Variants in EPS15 observed in about 807,000 individuals in gnomAD.
EPS15 encodes epidermal growth factor receptor substrate 15.
A neutral mutation model predicts 113.8 loss-of-function variants in EPS15; 72 were observed. That is an observed-to-expected ratio of 0.63 (90% CI 0.52 to 0.77). The LOEUF (loss-of-function observed/expected upper bound fraction) is 0.77, where lower values mean the gene tolerates loss of function less well. Ranked by LOEUF, EPS15 falls within the 30% of genes least tolerant of loss-of-function variation. EPS15 has a pLI of 0.00. For synonymous variants in EPS15, 344 were observed against 363.4 expected (o/e 0.95, Z 0.61); for missense variants, 1,048 against 1,045.8 (o/e 1.00, Z -0.03).
chr1:51,426,462 C>T (rs1276431951), intron 12 of EPS15, among the ~76,000 whole-genome samples: 1 of 149,532 alleles, frequency 6.7e-6, no homozygotes, highest in East Asian at 1.9e-4. Context: ...GCTCCTGTCA[C>T]CTCCTGTCAT....
chr1:51,504,482 T>C (rs1644464149), intron 1 of EPS15, among the ~76,000 whole-genome samples: 1 of 152,022 alleles, frequency 6.6e-6, no homozygotes, highest in South Asian at 2.1e-4. Flanking sequence ...AAATAATCCA[T>C]GAAATGGGAG....
chr1:51,402,818 T>C (rs1015631884), intron 17 of EPS15, among the ~76,000 whole-genome samples: 7 of 152,034 alleles, frequency 4.6e-5, no homozygotes, highest in East Asian at 3.9e-4. Context: ...GGCAGGAGAA[T>C]TGCTTGAACC....
intron 15 of EPS15, 148 bp downstream of exon 15, chr1:51,407,987 A>T: frequency 1.5e-6 from 1 of 671,894 alleles, no homozygotes; most frequent in Non-Finnish European, 2.7e-6. Flanking sequence ...AATATATAAC[A>T]GGTGACAAAA....
chr1:51,471,084 C>T (rs1052387239), intron 4 of EPS15, among the ~76,000 whole-genome samples: 3 of 152,112 alleles, frequency 2.0e-5, no homozygotes, highest in Admixed American at 1.3e-4. Flanking sequence ...TCAGCTATGC[C>T]GGGGGTGGGG....
intron 1 of EPS15, among the ~76,000 whole-genome samples, chr1:51,493,397 C>T (rs569440049): frequency 5.4e-5 from 8 of 149,284 alleles, no homozygotes; most frequent in African/African-American, 1.2e-4. Flanking sequence ...TGGTGGTGGG[C>T]GCCTGTAGTC....
chr1:51,479,592 C>T (rs1643982974), intron 2 of EPS15, among the ~76,000 whole-genome samples: 1 of 152,106 alleles, frequency 6.6e-6, no homozygotes, highest in Non-Finnish European at 1.5e-5. Flanking sequence ...TCAATAGTAT[C>T]TGATTCTCAC....
At chr1:51,390,577 GC>G (rs1252453657) in intron 21 of EPS15, among the ~76,000 whole-genome samples, 1 of 151,542 alleles carries the variant, frequency 6.6e-6, no homozygotes, top group Admixed American at 6.6e-5. Flanking sequence ...CTGACAAAGG[GC>G]TAATATCCAG....
intron 1 of EPS15, among the ~76,000 whole-genome samples, chr1:51,509,687 G>C (rs912792471): frequency 6.6e-6 from 1 of 152,192 alleles, no homozygotes. Flanking sequence ...AGATTTTCAT[G>C]AGCAATAAAT....
chr1:51,488,486 A>AAAAAAAAAC (rs1553135697), intron 1 of EPS15, among the ~76,000 whole-genome samples: 378 of 150,660 alleles, frequency 2.5e-3, no homozygotes, highest in Non-Finnish European at 4.0e-3. Context: ...AAAAAAAAAA[A>AAAAAAAAAC]AAAAAAAAAA....
intron 21 of EPS15, among the ~76,000 whole-genome samples, chr1:51,391,399 G>A (rs1223108554): frequency 6.6e-6 from 1 of 151,634 alleles, no homozygotes; most frequent in Admixed American, 6.6e-5. Context: ...CACCAGCATG[G>A]CACATGTATA....
chr1:51,486,572 T>A (rs1162645083), intron 1 of EPS15, among the ~76,000 whole-genome samples: 3 of 152,134 alleles, frequency 2.0e-5, no homozygotes, highest in Non-Finnish European at 4.4e-5. Context: ...TATAGGGAGA[T>A]CCTGTCTCTA....
At chr1:51,428,102 GA>G (rs375803779) in intron 12 of EPS15, among the ~76,000 whole-genome samples, 4,640 of 147,796 alleles carry the variant, frequency 0.031, 75 homozygotes, top group African/African-American at 0.052. Flanking sequence ...GTGCTGGAAG[GA>G]AAAAAAAAAC....
At chr1:51,488,556 T>C (rs886966745) in intron 1 of EPS15, among the ~76,000 whole-genome samples, 3 of 151,978 alleles carry the variant, frequency 2.0e-5, no homozygotes, top group African/African-American at 7.3e-5. Context: ...AGGTATGATC[T>C]TTAGTAGCTT....
intron 21 of EPS15, chr1:51,372,199 G>A: frequency 2.3e-6 from 1 of 433,792 alleles, no homozygotes; most frequent in Non-Finnish European, 4.7e-6. Context: ...CTTCACAGGA[G>A]TTGCTGCTAC....
intron 1 of EPS15, among the ~76,000 whole-genome samples, chr1:51,516,757 A>G (rs961989097): frequency 1.3e-5 from 2 of 152,246 alleles, no homozygotes; most frequent in Non-Finnish European, 2.9e-5. Flanking sequence ...AATCATCAAC[A>G]TATGAACAGA....
chr1:51,391,385 A>T (rs1647344984), intron 21 of EPS15, among the ~76,000 whole-genome samples: 1 of 152,038 alleles, frequency 6.6e-6, no homozygotes, highest in Non-Finnish European at 1.5e-5. Context: ...TAATGGGTGC[A>T]GCACACCAGC....
At chr1:51,431,632 G>C (rs1247025112) in intron 12 of EPS15, among the ~76,000 whole-genome samples, 2 of 152,000 alleles carry the variant, frequency 1.3e-5, no homozygotes, top group African/African-American at 2.4e-5. Flanking sequence ...TTTTACTAGA[G>C]ACGGGGTTTC....
At chr1:51,425,129 C>T (rs1234446055) in intron 12 of EPS15, among the ~76,000 whole-genome samples, 1 of 152,154 alleles carries the variant, frequency 6.6e-6, no homozygotes, top group Non-Finnish European at 1.5e-5. Context: ...CTATAAAGAA[C>T]AAGCCAAGAA....
chr1:51,398,358 G>A (rs1648178797), intron 20 of EPS15, among the ~76,000 whole-genome samples: 1 of 152,068 alleles, frequency 6.6e-6, no homozygotes, highest in Non-Finnish European at 1.5e-5. Flanking sequence ...CAGCCATGAA[G>A]ATTTTTTTAA....
Sources: gnomAD v4.1 joint callset for allele counts (sites outside exome capture counted in the v4.1 genomes callset) on GRCh38, gnomAD v4.1.1 for gene constraint, MANE v1.5 for transcripts, NCBI Gene and HGNC (gene_info 2026-07-23, HGNC 2026-07-21) for gene names.